GABRG3: variants seen among roughly 807,000 people sequenced by gnomAD.
GABRG3 encodes the protein gamma-aminobutyric acid type A receptor subunit gamma3, also known as gamma-aminobutyric acid receptor subunit gamma-3.
Under a neutral mutation model 48.8 loss-of-function variants are expected in GABRG3, and 25 were observed. That is an observed-to-expected ratio of 0.51 (90% CI 0.37 to 0.72). GABRG3 has a LOEUF of 0.72. Ranked by LOEUF, GABRG3 falls within the 30% of genes least tolerant of loss-of-function variation. GABRG3 has a pLI of 0.00. For synonymous variants in GABRG3, 227 were observed against 217.6 expected, an observed-to-expected ratio of 1.04 and a Z score of -0.38; for missense variants, 394 against 577.9, an observed-to-expected ratio of 0.68 and a Z score of 3.26.
At position 27,463,444 on chromosome 15, in the gene GABRG3, A is replaced by G. The variant is rs1889508415; in HGVS notation, c.575-17206A>G. Among the ~76,000 whole-genome samples the G allele has an allele frequency of 2.0e-5, 3 of 152,284 alleles. No individual in the cohort carries two copies. In the South Asian group the frequency reaches 6.2e-4, roughly 32 times the overall value. ...ATTATTTGTGTTATTTTTTGGTATCACCGAAGTGTGGATCTTTAACAGTGG... is the reference window on the plus strand; with the variant it reads ...ATTATTTGTGTTATTTTTTGGTATCGCCGAAGTGTGGATCTTTAACAGTGG... On this transcript the variant is annotated intron_variant, in intron 5 of 9. Transcript: ENST00000615808.
Position 27,541,486 on chromosome 15 carries a change from C to T in GABRG3, c.*8605C>T, listed in dbSNP as rs1891660137. ...TGCTCTCTGTTCCCATGGAATCCTTCCTGCCTGTGAAGCCATTGTCCTCCA... is the reference window on the plus strand; with the variant it reads ...TGCTCTCTGTTCCCATGGAATCCTTTCTGCCTGTGAAGCCATTGTCCTCCA... On this transcript the variant is annotated 3_prime_UTR_variant, in exon 10 of 10. Transcript: ENST00000615808. 6.6e-6 allele frequency: 1 copy of T among 152,254 alleles called. No individual in the cohort carries two copies. Among genetic ancestry groups the T allele is most frequent in the Non-Finnish European group, 1.5e-5 (1 of 68,076 alleles). 9.4% of individuals were successfully genotyped at this position (152,254 alleles called of 1,614,324 possible). A position where few individuals can be genotyped will look rare whatever the true frequency, so the allele number is the denominator to read the frequency against.
At chr15:27,528,731 A>C (rs1238279208) in intron 9 of GABRG3, among the ~76,000 whole-genome samples, 1 of 151,934 alleles carries the variant, frequency 6.6e-6, no homozygotes, top group East Asian at 1.9e-4. Flanking sequence ...TTTATTTTTG[A>C]TTTGCATTTC....
rs1056237886 is a variant in GABRG3, at chr15:27,179,148, C to T, written c.271-147661C>T. 6.6e-6 allele frequency among the ~76,000 whole-genome samples: 1 copy of T among 152,144 alleles called. No individual in the cohort carries two copies. The highest frequency in any genetic ancestry group is 1.5e-5 in the Non-Finnish European group (1 of 68,022). On this transcript the variant is annotated intron_variant, in intron 3 of 9. Transcript: ENST00000615808. This position sits in a 1 kb window ranked among gnomAD's most constrained non-coding sequence, Gnocchi z 4.0. ...AACAAAGAAAACTCATGGAAGCTTA[C>T]AAGTCAGAAATTATGAAAATCCTCT...
Position 27,513,646 on chromosome 15 carries a change from G to A in GABRG3, c.713-6326G>A, listed in dbSNP as rs568389117. Among the ~76,000 whole-genome samples, 25 of 152,118 alleles carry A rather than the reference G, an allele frequency of 1.6e-4. No homozygotes were observed. The South Asian group carries it at 4.2e-3, about 25-fold the overall frequency. On this transcript the variant is annotated intron_variant, in intron 6 of 9. Transcript: ENST00000615808. The stretch of plus-strand genomic sequence containing the variant: ...AACACATAATTAATGTTTGTGAGAC[G>A]AGGAAAAGAATAAAACAAATAGGAC...
intron 3 of GABRG3, among the ~76,000 whole-genome samples, chr15:27,077,634 C>T (rs190316782): frequency 3.3e-5 from 5 of 152,272 alleles, no homozygotes; most frequent in East Asian, 1.9e-4. Context: ...ATCACTCTGT[C>T]GATTTCCAGA....
At chr15:26,978,065 AC>A (rs1238533497) in intron 2 of GABRG3, among the ~76,000 whole-genome samples, 1 of 152,110 alleles carries the variant, frequency 6.6e-6, no homozygotes, top group Non-Finnish European at 1.5e-5. Flanking sequence ...GTCTTAATTT[AC>A]ATTTCCCTAA....
chr15:27,408,477 A>G (rs1887703521), intron 5 of GABRG3, among the ~76,000 whole-genome samples: 1 of 152,202 alleles, frequency 6.6e-6, no homozygotes, highest in Admixed American at 6.5e-5. Flanking sequence ...GCTGCTTTAT[A>G]GTTCTGAAAT....
chr15:27,202,174 CAT>C (rs533166056), intron 3 of GABRG3, among the ~76,000 whole-genome samples: 76 of 152,302 alleles, frequency 5.0e-4, no homozygotes, highest in African/African-American at 1.8e-3. Flanking sequence ...TCTCTATAAT[CAT>C]ATAATCCTAT....
intron 3 of GABRG3, among the ~76,000 whole-genome samples, chr15:27,100,789 A>G (rs767046096): frequency 3.9e-5 from 6 of 152,184 alleles, no homozygotes; most frequent in Non-Finnish European, 5.9e-5. Flanking sequence ...CATGATAAAA[A>G]CTCTCAGCAA....
At chr15:27,201,976 A>G (rs758872072) in intron 3 of GABRG3, among the ~76,000 whole-genome samples, 13 of 152,310 alleles carry the variant, frequency 8.5e-5, no homozygotes, top group Non-Finnish European at 1.8e-4. Flanking sequence ...TTAATTCATT[A>G]AAAGAGCAAA....
intron 3 of GABRG3, among the ~76,000 whole-genome samples, chr15:27,226,887 A>C (rs1889638149): frequency 6.6e-6 from 1 of 152,190 alleles, no homozygotes; most frequent in Non-Finnish European, 1.5e-5. Context: ...GGCCTAGGAT[A>C]CGTTGTCCCT....
chr15:27,307,982 A>G (rs1393568241), intron 3 of GABRG3, among the ~76,000 whole-genome samples: 1 of 138,598 alleles, frequency 7.2e-6, no homozygotes, highest in Non-Finnish European at 1.5e-5. Flanking sequence ...AAACATATAT[A>G]AAATAAACAT....
intron 6 of GABRG3, 85 bp from the exon 7 acceptor site, chr15:27,519,887 C>A: frequency 1.0e-6 from 1 of 990,234 alleles, no homozygotes; most frequent in Non-Finnish European, 1.5e-6. Flanking sequence ...AAGTCATTCA[C>A]TTAACAAAAT....
intron 3 of GABRG3, among the ~76,000 whole-genome samples, chr15:27,094,936 C>A (rs1897247299): frequency 6.6e-6 from 1 of 152,130 alleles, no homozygotes; most frequent in Non-Finnish European, 1.5e-5. Context: ...ATAGCATTTT[C>A]TAGCCTGTTT....
At chr15:27,423,721 CTT>C (rs542775399) in intron 5 of GABRG3, among the ~76,000 whole-genome samples, 14 of 81,778 alleles carry the variant, frequency 1.7e-4, no homozygotes, top group South Asian at 4.7e-4. Context: ...TTTTCTTTTC[CTT>C]TTTTTTTTTT....
intron 3 of GABRG3, chr15:27,271,392 G>GGGTCTT (rs1891082213): frequency 8.5e-6 from 3 of 354,022 alleles, no homozygotes; most frequent in Non-Finnish European, 1.7e-5. Context: ...TGCTTTCCAC[G>GGGTCTT]GGTCTTACGC....
chr15:27,313,398 TCAG>T (rs909943811), intron 3 of GABRG3, among the ~76,000 whole-genome samples: 3 of 146,282 alleles, frequency 2.1e-5, no homozygotes, highest in Non-Finnish European at 4.5e-5. Context: ...GTAGGAGACT[TCAG>T]CACCCCACTT....
chr15:27,439,979 G>A (rs1007356951), intron 5 of GABRG3, among the ~76,000 whole-genome samples: 5 of 152,142 alleles, frequency 3.3e-5, no homozygotes, highest in Non-Finnish European at 7.4e-5. Context: ...AATTATGCCT[G>A]TCTGTGGCCT....
At chr15:27,123,720 C>T (rs1029578672) in intron 3 of GABRG3, among the ~76,000 whole-genome samples, 19 of 152,268 alleles carry the variant, frequency 1.2e-4, no homozygotes, top group Admixed American at 9.2e-4. Flanking sequence ...AAATGACTCC[C>T]ATTCCAGCCC....
Sources: allele counts gnomAD v4.1 joint callset (sites outside exome capture counted in the v4.1 genomes callset), GRCh38; gene constraint gnomAD v4.1.1; non-coding constraint Gnocchi (gnomAD v3.1); transcripts MANE v1.5; gene names NCBI Gene and HGNC (gene_info 2026-07-23, HGNC 2026-07-21).